The following THSD7A variants were observed in gnomAD, a reference collection of about 807,000 sequenced individuals.
THSD7A encodes the protein thrombospondin type 1 domain containing 7A.
Under a neutral mutation model 231.3 loss-of-function variants are expected in THSD7A, and 96 were observed. The observed-to-expected ratio is 0.41, with a 90% confidence interval of 0.35 to 0.49. THSD7A has a LOEUF of 0.49. Among genes scored for constraint, THSD7A ranks in the 20% least tolerant of loss-of-function variants. The pLI is 0.05. For synonymous variants in THSD7A, 940 were observed against 743.3 expected, an observed-to-expected ratio of 1.26 and a Z score of -4.30; for missense variants, 2,290 against 2,070.2, an observed-to-expected ratio of 1.11 and a Z score of -2.06.
intron 7 of THSD7A, among the ~76,000 whole-genome samples, chr7:11,475,624 A>G (rs929255089): frequency 1.3e-5 from 2 of 148,586 alleles, no homozygotes; most frequent in African/African-American, 4.9e-5. Context: ...TAACATATAT[A>G]TAACATATAT....
chr7:11,449,223 G>A (rs1198292946), intron 11 of THSD7A, among the ~76,000 whole-genome samples: 1 of 152,022 alleles, frequency 6.6e-6, no homozygotes, highest in African/African-American at 2.4e-5. Flanking sequence ...CAAGCTATAT[G>A]AGAACTACTG....
chr7:11,769,153 A>ATATATATATATATATATATAT, intron 1 of THSD7A, among the ~76,000 whole-genome samples: 2 of 27,650 alleles, frequency 7.2e-5, no homozygotes, highest in Non-Finnish European at 1.4e-4. Flanking sequence ...ATATATATAT[A>ATATATATATATATATATATAT]TTTTTTTTTT....
intron 7 of THSD7A, among the ~76,000 whole-genome samples, chr7:11,475,166 A>G (rs1786107146): frequency 6.6e-6 from 1 of 152,176 alleles, no homozygotes; most frequent in South Asian, 2.1e-4. Context: ...GGCTTATGTT[A>G]TAAAGAAGCT....
chr7:11,744,099 G>A (rs1011110763), intron 1 of THSD7A, among the ~76,000 whole-genome samples: 1 of 151,794 alleles, frequency 6.6e-6, no homozygotes, highest in Non-Finnish European at 1.5e-5. Flanking sequence ...AACCCAAAAT[G>A]AATCTACAGG....
chr7:11,421,220 T>A (rs546159962), intron 16 of THSD7A, among the ~76,000 whole-genome samples: 1 of 152,158 alleles, frequency 6.6e-6, no homozygotes. Flanking sequence ...AAATCTCATG[T>A]TGGGGGAGGG....
rs1780624641 is a variant in THSD7A, at chr7:11,603,495, A to T, written c.1023-9993T>A. ...CGATTCCTCAGGGATCTAGAACTGGAAATACCATTTGACCCAGCCATCCCA... is the reference window on the plus strand; with the variant it reads ...CGATTCCTCAGGGATCTAGAACTGGTAATACCATTTGACCCAGCCATCCCA... On this transcript the variant is annotated intron_variant, in intron 2 of 27. Transcript: ENST00000423059. 2.0e-5 allele frequency among the ~76,000 whole-genome samples: 3 copies of T among 151,904 alleles called. No homozygotes were observed. The South Asian group carries it at 6.2e-4, about 32-fold the overall frequency.
intron 1 of THSD7A, among the ~76,000 whole-genome samples, chr7:11,736,570 T>G (rs1781922681): frequency 6.6e-6 from 1 of 151,988 alleles, no homozygotes; most frequent in Non-Finnish European, 1.5e-5. Context: ...TTAAAGCTAT[T>G]GTAAGGCTAT....
chr7:11,502,951 A>G (rs1260347230), intron 6 of THSD7A, among the ~76,000 whole-genome samples: 1 of 152,054 alleles, frequency 6.6e-6, no homozygotes, highest in Non-Finnish European at 1.5e-5. Flanking sequence ...TCATTCTTCT[A>G]GAAAAAATTA....
In THSD7A at chr7:11,371,397, C is replaced by T. The variant is rs866309109; in HGVS notation, c.*4397G>A. 1 of 152,084 alleles carries T rather than the reference C, an allele frequency of 6.6e-6. No individual in the cohort carries two copies. The highest frequency in any genetic ancestry group is 1.5e-5 in the Non-Finnish European group (1 of 68,034). 9.4% of individuals were successfully genotyped at this position (152,084 alleles called of 1,614,324 possible). ...TGTAGTTCTCACAACTAAACTAGTC[C>T]CAGGAAAGATCACATTCTGACAAGA... On this transcript the variant is annotated 3_prime_UTR_variant, in exon 28 of 28. Transcript: ENST00000423059.
chr7:11,657,078 T>C (rs549196724), intron 1 of THSD7A, among the ~76,000 whole-genome samples: 1 of 151,914 alleles, frequency 6.6e-6, no homozygotes, highest in African/African-American at 2.4e-5. Context: ...GATGTATGCC[T>C]TAGCAATGTA....
At chr7:11,782,047 A>G (rs1163188225) in intron 1 of THSD7A, among the ~76,000 whole-genome samples, 1 of 152,144 alleles carries the variant, frequency 6.6e-6, no homozygotes, top group African/African-American at 2.4e-5. Context: ...GCAGACATTA[A>G]CAAATGTGCC....
chr7:11,597,642 C>G (rs1006676518), intron 2 of THSD7A, among the ~76,000 whole-genome samples: 1 of 152,170 alleles, frequency 6.6e-6, no homozygotes, highest in Non-Finnish European at 1.5e-5. Flanking sequence ...AGAGACAGCT[C>G]TTGGCCTGTT....
chr7:11,503,851 A>G lies in THSD7A; in HGVS notation c.1823-21869T>C, dbSNP rs148012651. ...TGCAGAGAAAAGGAAATGCTTATAC[A>G]TTGTTGGTAGAAGCGTAAATTAGTT... On this transcript the variant is annotated intron_variant, in intron 6 of 27. Transcript: ENST00000423059. 5.3e-5 allele frequency among the ~76,000 whole-genome samples: 8 copies of G among 152,328 alleles called. No homozygotes were observed. In the East Asian group the frequency reaches 1.5e-3, roughly 29 times the overall value.
intron 1 of THSD7A, among the ~76,000 whole-genome samples, chr7:11,789,089 G>T (rs997094427): frequency 6.6e-6 from 1 of 151,800 alleles, no homozygotes; most frequent in Non-Finnish European, 1.5e-5. Flanking sequence ...GATAACATTG[G>T]AACACTAAGC....
chr7:11,604,541 GTTTC>G (rs1400454215), intron 2 of THSD7A, among the ~76,000 whole-genome samples: 2 of 151,168 alleles, frequency 1.3e-5, no homozygotes, highest in African/African-American at 2.5e-5. Flanking sequence ...TTTAAAAAAT[GTTTC>G]TTTTTTTCCC....
chr7:11,498,518 A>G (rs1044727766), intron 6 of THSD7A, among the ~76,000 whole-genome samples: 2 of 152,166 alleles, frequency 1.3e-5, no homozygotes, highest in Non-Finnish European at 2.9e-5. Flanking sequence ...AGGGTGGGCC[A>G]CCATCTTTGC....
rs140020347 is a variant in THSD7A, at chr7:11,719,978, A to G, written c.191-83017T>C. On this transcript the variant is annotated intron_variant, in intron 1 of 27. Transcript: ENST00000423059. Reference sequence around the variant, plus strand: ...ATGAGATTAGATTTCATGCTCAAAGATAAGTATTGGTTTATCTCAGAACTA... The same window carrying G: ...ATGAGATTAGATTTCATGCTCAAAGGTAAGTATTGGTTTATCTCAGAACTA... Among the ~76,000 whole-genome samples the G allele has an allele frequency of 5.0e-3, 754 of 151,906 alleles. 23 individuals carry two copies. The highest frequency in any genetic ancestry group is 8.4e-3 in the East Asian group (43 of 5,118).
At chr7:11,544,727 T>G (rs754613982) in intron 4 of THSD7A, among the ~76,000 whole-genome samples, 15 of 152,180 alleles carry the variant, frequency 9.9e-5, no homozygotes, top group South Asian at 2.1e-4. Context: ...CCACAGTTTT[T>G]GTTCTGAAAA....
intron 8 of THSD7A, among the ~76,000 whole-genome samples, chr7:11,473,651 T>C (rs777684786): frequency 9.2e-5 from 14 of 152,178 alleles, no homozygotes; most frequent in Non-Finnish European, 1.5e-4. Context: ...ATGCCATTAT[T>C]TTTGTTTATA....
Sources: gnomAD v4.1 joint callset for allele counts (sites outside exome capture counted in the v4.1 genomes callset) on GRCh38, gnomAD v4.1.1 for gene constraint, MANE v1.5 for transcripts, NCBI Gene and HGNC (gene_info 2026-07-23, HGNC 2026-07-21) for gene names.